Variants in COL4A5 observed in about 807,000 individuals in gnomAD.
COL4A5 encodes the protein collagen type IV alpha 5 chain.
A neutral mutation model predicts 130.2 loss-of-function variants in COL4A5; 26 were observed. The ratio of observed to expected loss-of-function variants is 0.20; its 90% CI spans 0.15 to 0.28. The LOEUF (loss-of-function observed/expected upper bound fraction) is 0.28. Ranked by LOEUF, COL4A5 falls within the 10% of genes least tolerant of loss-of-function variation. The pLI is 1.00. For missense variants in COL4A5, 1,131 were observed against 1,344.3 expected (o/e 0.84, Z 2.48); for synonymous variants, 496 against 439.6 (o/e 1.13, Z -1.60).
intron 17 of COL4A5, among the ~76,000 whole-genome samples, chrX:108,584,073 TAAA>T (rs56676245): frequency 3.5e-5 from 2 of 57,514 alleles, no homozygotes; most frequent in Admixed American, 2.1e-4. Context: ...TGGCTAAATG[TAAA>T]AAAAAAAAAA....
At chrX:108,682,735 G>T (rs753870844) in intron 47 of COL4A5, among the ~76,000 whole-genome samples, 2 of 111,618 alleles carry the variant, frequency 1.8e-5, no homozygotes, top group East Asian at 5.7e-4. Flanking sequence ...TTTTTGATGG[G>T]ATTGTGGTTG....
intron 3 of COL4A5, among the ~76,000 whole-genome samples, chrX:108,562,663 T>G (rs1012967828): frequency 8.9e-6 from 1 of 111,749 alleles, no homozygotes; most frequent in African/African-American, 3.2e-5. Context: ...CCAGTATGAC[T>G]CCATGTTTCC....
chrX:108,505,385 TAAAA>T (rs764240177), intron 1 of COL4A5, among the ~76,000 whole-genome samples: 23 of 106,934 alleles, frequency 2.2e-4, no homozygotes, highest in Non-Finnish European at 3.9e-4. Flanking sequence ...GCTATTGAAA[TAAAA>T]AAAAAACTCA....
At chrX:108,629,092 C>T (rs768297701) in intron 36 of COL4A5, among the ~76,000 whole-genome samples, 4 of 111,421 alleles carry the variant, frequency 3.6e-5, no homozygotes, top group Non-Finnish European at 5.7e-5. Flanking sequence ...GAGAGTAAGT[C>T]ATACAAAAAC....
chrX:108,441,523 G>A (rs1269849378), intron 1 of COL4A5, among the ~76,000 whole-genome samples: 1 of 111,696 alleles, frequency 9.0e-6, no homozygotes, highest in Admixed American at 9.5e-5. Context: ...AATTATAATA[G>A]CAAATTTGCT....
intron 1 of COL4A5, among the ~76,000 whole-genome samples, chrX:108,465,376 A>G (rs777308101): frequency 1.8e-5 from 2 of 111,891 alleles, no homozygotes; most frequent in African/African-American, 3.2e-5. Context: ...GTTATTGGCC[A>G]TTCAAATATC....
chrX:108,488,190 C>G (rs1057113799), intron 1 of COL4A5, among the ~76,000 whole-genome samples: 1 of 112,459 alleles, frequency 8.9e-6, no homozygotes, highest in Non-Finnish European at 1.9e-5. Context: ...CAGGCACTTG[C>G]AAACATGTGC....
chrX:108,536,228 CTATT>C (rs1228347140), intron 1 of COL4A5, among the ~76,000 whole-genome samples: 1 of 109,718 alleles, frequency 9.1e-6, no homozygotes. Flanking sequence ...GTTTTCACAT[CTATT>C]TGACGTCAAC....
chrX:108,545,784 G>T (rs1247399542), intron 2 of COL4A5, among the ~76,000 whole-genome samples: 2 of 111,160 alleles, frequency 1.8e-5, no homozygotes, highest in South Asian at 3.8e-4. Flanking sequence ...TTATGAATCT[G>T]GGTGCTCCTG....
chrX:108,689,227 A>C, intron 49 of COL4A5: 10 of 247,719 alleles, frequency 4.0e-5, no homozygotes, highest in Middle Eastern at 2.4e-3. Context: ...ATAAATATCT[A>C]AATAATTAAT....
intron 1 of COL4A5, among the ~76,000 whole-genome samples, chrX:108,479,710 A>G (rs1603252521): frequency 9.0e-6 from 1 of 111,627 alleles, no homozygotes; most frequent in Admixed American, 9.5e-5. Context: ...CCAATCACGT[A>G]TATACCACTT....
intron 1 of COL4A5, among the ~76,000 whole-genome samples, chrX:108,507,128 G>A (rs1165067333): frequency 1.9e-5 from 2 of 108,037 alleles, no homozygotes; most frequent in African/African-American, 6.8e-5. Flanking sequence ...AAGAAGGGAT[G>A]ACACTGTTCC....
At position 108,690,598 on chromosome X, in the gene COL4A5, G is replaced by T. The variant is rs185049053; in HGVS notation, c.4529-2150G>T. Among the ~76,000 whole-genome samples, 157 of 111,316 alleles carry T rather than the reference G, an allele frequency of 1.4e-3. 1 individual carries two copies. Among genetic ancestry groups the T allele is most frequent in the Middle Eastern group, 4.7e-3 (1 of 211 alleles). On this transcript the variant is annotated intron_variant, in intron 49 of 52. Transcript: ENST00000328300. ...ACTTTTATATGTATTTTCTCCTAAA[G>T]TCAATCTGACTTTAGCAGATGTGCT...
intron 42 of COL4A5, among the ~76,000 whole-genome samples, chrX:108,673,381 A>G (rs2068242502): frequency 8.9e-6 from 1 of 112,010 alleles, no homozygotes; most frequent in Non-Finnish European, 1.9e-5. Context: ...CTCTGCTAAC[A>G]TTTGGTGCTT....
intron 1 of COL4A5, among the ~76,000 whole-genome samples, chrX:108,526,517 CTTCT>C (rs201937967): frequency 0.015 from 1,581 of 103,530 alleles, 32 homozygotes; most frequent in Middle Eastern, 0.09. Flanking sequence ...TTCTTCTTTC[CTTCT>C]TTCTTTCTTT....
rs1385148184 is a variant in COL4A5, at chrX:108,461,837, C to T, written c.81+21631C>T. On this transcript the variant is annotated intron_variant, in intron 1 of 52. Coordinates refer to ENST00000328300, the MANE Select transcript of COL4A5 (RefSeq NM_033380.3). ...CTCGAACTCCTGAACTCAGGTGATC[C>T]GCCTGCCTTGGCCTCCAAAAGTGCT... is the stretch of plus-strand genomic sequence containing the variant. Among the ~76,000 whole-genome samples, 8 of 111,790 alleles carry T rather than the reference C, an allele frequency of 7.2e-5. 1 individual carries two copies. The highest frequency in any genetic ancestry group is 9.2e-3 in the Middle Eastern group (2 of 218).
intron 2 of COL4A5, among the ~76,000 whole-genome samples, chrX:108,557,366 A>G (rs1370348162): frequency 8.9e-6 from 1 of 111,737 alleles, no homozygotes; most frequent in African/African-American, 3.3e-5. Flanking sequence ...GATGAATACT[A>G]AATTATCATA....
intron 22 of COL4A5, among the ~76,000 whole-genome samples, chrX:108,595,824 C>A (rs893298849): frequency 8.9e-6 from 1 of 112,420 alleles, no homozygotes. Flanking sequence ...AATATAATTT[C>A]AGGAAATATA....
At chrX:108,680,127 T>C (rs1021770137) in intron 44 of COL4A5, among the ~76,000 whole-genome samples, 1 of 112,159 alleles carries the variant, frequency 8.9e-6, no homozygotes, top group South Asian at 3.7e-4. Flanking sequence ...ACTTGAGCCC[T>C]GATCAGGTGA....
Sources: gnomAD v4.1 joint callset for allele counts (sites outside exome capture counted in the v4.1 genomes callset) on GRCh38, gnomAD v4.1.1 for gene constraint, MANE v1.5 for transcripts, NCBI Gene and HGNC (gene_info 2026-07-23, HGNC 2026-07-21) for gene names.